The following PLA2G5 variants were observed in gnomAD, a reference collection of about 807,000 sequenced individuals.
PLA2G5 encodes the protein Ca2+-dependent phospholipase A2.
A neutral mutation model predicts 15.9 loss-of-function variants in PLA2G5; 12 were observed. The ratio of observed to expected loss-of-function variants is 0.76; its 90% confidence interval spans 0.48 to 1.23. PLA2G5 has a LOEUF of 1.23. Ranked by LOEUF, PLA2G5 falls within the 50% of genes most tolerant of loss-of-function variation. The pLI, the probability that PLA2G5 is intolerant of heterozygous loss-of-function variation, is 0.00. For synonymous variants in PLA2G5, 71 were observed against 71.4 expected (o/e 0.99, Z 0.03); for missense variants, 169 against 177.1 (o/e 0.95, Z 0.26).
rs149662527 is a variant in PLA2G5, at chr1:20,043,527, G to A, written n.276+14818G>A. On this transcript the variant is annotated intron_variant and non_coding_transcript_variant, in intron 1 of 6. Coordinates refer to the PLA2G5 transcript ENST00000460175. ...GGAGTAGAGGTGTCCCATATCTGTG[G>A]GTTAAGGTAGTGGGATATGAGAGGA... Among the ~76,000 whole-genome samples, 40 of 152,208 alleles carry A rather than the reference G, an allele frequency of 2.6e-4. No individual in the cohort carries two copies. In the East Asian group the frequency reaches 7.5e-3, roughly 29 times the overall value.
intron 1 of PLA2G5, among the ~76,000 whole-genome samples, chr1:20,072,068 G>T (rs11573202): frequency 1.4e-5 from 2 of 145,782 alleles, no homozygotes; most frequent in East Asian, 4.1e-4. Context: ...AGATCGCACC[G>T]CTGCGCTCCA....
chr1:20,061,254 CA>C (rs2014711788), intron 2 of PLA2G5, among the ~76,000 whole-genome samples: 1 of 152,124 alleles, frequency 6.6e-6, no homozygotes, highest in Admixed American at 6.5e-5. Context: ...CTCACATCCA[CA>C]CCACCCTGGC....
chr1:20,080,987 GGCTCC>G (rs1169565391), intron 1 of PLA2G5, among the ~76,000 whole-genome samples: 1 of 151,900 alleles, frequency 6.6e-6, no homozygotes, highest in Non-Finnish European at 1.5e-5. Flanking sequence ...CGTGCAATGA[GGCTCC>G]GCACTGTGCG....
chr1:20,071,650 C>T (rs112482708), intron 1 of PLA2G5, among the ~76,000 whole-genome samples: 6 of 152,100 alleles, frequency 3.9e-5, no homozygotes, highest in East Asian at 1.9e-4. Flanking sequence ...ACCCAGCTTC[C>T]GTGTTTCCCA....
At chr1:20,073,848 C>T (rs1037402690) in intron 1 of PLA2G5, among the ~76,000 whole-genome samples, 13 of 151,768 alleles carry the variant, frequency 8.6e-5, no homozygotes, top group South Asian at 6.2e-4. Context: ...CCAGCCTGGG[C>T]GACAGAGGGA....
At chr1:20,059,131 A>C (rs1198673549) in intron 1 of PLA2G5, among the ~76,000 whole-genome samples, 1 of 151,360 alleles carries the variant, frequency 6.6e-6, no homozygotes, top group African/African-American at 2.4e-5. Context: ...AAAAAAAAAA[A>C]AAAAAAAAAG....
Position 20,091,536 on chromosome 1 carries a change from T to G in PLA2G5, c.*844T>G, listed in dbSNP as rs1569853551. On this transcript the variant is annotated 3_prime_UTR_variant, in exon 5 of 5. Coordinates refer to ENST00000375108, the MANE Select transcript of PLA2G5 (RefSeq NM_000929.3). Reference sequence around the variant, plus strand: ...CAGTCTCTTTGAGAAATAAACTGTCTTGTTCCTTGCAATGTAAAATGAGAC... The same window carrying G: ...CAGTCTCTTTGAGAAATAAACTGTCGTGTTCCTTGCAATGTAAAATGAGAC... 6.6e-6 allele frequency among the ~76,000 whole-genome samples: 1 copy of G among 152,196 alleles called. No homozygotes were observed. Among genetic ancestry groups the G allele is most frequent in the African/African-American group, 2.4e-5 (1 of 41,444 alleles).
At chr1:20,067,702 AT>A (rs1210031621), upstream of PLA2G5, among the ~76,000 whole-genome samples, 5 of 150,530 alleles carry the variant, frequency 3.3e-5, no homozygotes, top group African/African-American at 1.2e-4. Flanking sequence ...AAAAAAAAAA[AT>A]TATAGTAATT....
intron 1 of PLA2G5, among the ~76,000 whole-genome samples, chr1:20,057,971 C>CT (rs770376202): frequency 5.3e-5 from 8 of 151,844 alleles, no homozygotes; most frequent in Non-Finnish European, 8.8e-5. Flanking sequence ...AGTTTAATTC[C>CT]ATTGTGGTCT....
intron 1 of PLA2G5, among the ~76,000 whole-genome samples, chr1:20,058,958 G>C (rs1569716091): frequency 6.6e-6 from 1 of 152,054 alleles, no homozygotes; most frequent in East Asian, 1.9e-4. Context: ...AGGATCACTT[G>C]AAGTCAGGAG....
intron 1 of PLA2G5, among the ~76,000 whole-genome samples, chr1:20,080,614 T>C (rs560780604): frequency 6.7e-6 from 1 of 149,288 alleles, no homozygotes; most frequent in Non-Finnish European, 1.5e-5. Flanking sequence ...TGCTTCTGAA[T>C]ACACAATGGA....
chr1:20,078,932 C>T (rs1436659157), intron 1 of PLA2G5, among the ~76,000 whole-genome samples: 1 of 136,096 alleles, frequency 7.3e-6, no homozygotes, highest in Non-Finnish European at 1.6e-5. Flanking sequence ...CATGGTGGGA[C>T]CCCGACTCTA....
chr1:20,044,371 G>GA (rs1553171699), intron 1 of PLA2G5, among the ~76,000 whole-genome samples: 1 of 151,828 alleles, frequency 6.6e-6, no homozygotes. Context: ...TCCTGTTGTG[G>GA]GGGGGGTTTG....
chr1:20,043,074 G>T (rs2013705138), intron 1 of PLA2G5, among the ~76,000 whole-genome samples: 1 of 152,160 alleles, frequency 6.6e-6, no homozygotes, highest in African/African-American at 2.4e-5. Flanking sequence ...GCCTAGGTAT[G>T]TTGTTGAGAC....
upstream of PLA2G5, among the ~76,000 whole-genome samples, chr1:20,068,663 CT>C (rs2015180237): frequency 6.6e-6 from 1 of 152,058 alleles, no homozygotes; most frequent in African/African-American, 2.4e-5. Flanking sequence ...GTTGGTCAGG[CT>C]GGTCTGGAAC....
At position 20,090,974 on chromosome 1, in the gene PLA2G5, CTCT is replaced by C. The variant is rs1224785549; in HGVS notation, c.*284_*286del. 1.5e-5 allele frequency: 5 copies of C among 330,062 alleles called. No homozygotes were observed. Among genetic ancestry groups the C allele is most frequent in the Non-Finnish European group, 2.8e-5 (5 of 179,050 alleles). The allele number at this position is 330,062 out of a possible 1,614,324, so 20.4% of individuals were successfully genotyped here. A position where few individuals can be genotyped will look rare whatever the true frequency, so the allele number is the denominator to read the frequency against. The stretch of plus-strand genomic sequence containing the variant: ...TCCTCCAACTCAGGGTTGGCTGTGT[CTCT>C]TTTCTTCTCTGAAGACAGCGTCCTG... On this transcript the variant is annotated 3_prime_UTR_variant, in exon 5 of 5. Coordinates refer to ENST00000375108, the MANE Select transcript of PLA2G5 (RefSeq NM_000929.3).
intron 1 of PLA2G5, among the ~76,000 whole-genome samples, chr1:20,056,720 C>T (rs2100438411): frequency 6.6e-6 from 1 of 152,258 alleles, no homozygotes; most frequent in Non-Finnish European, 1.5e-5. Context: ...TAGAATAATA[C>T]TGGCCTCCTA....
At chr1:20,042,213 A>T (rs2013638341) in intron 1 of PLA2G5, among the ~76,000 whole-genome samples, 1 of 152,144 alleles carries the variant, frequency 6.6e-6, no homozygotes, top group African/African-American at 2.4e-5. Context: ...TCAATGATAG[A>T]TGTGAAAGAT....
intron 1 of PLA2G5, among the ~76,000 whole-genome samples, chr1:20,056,846 A>C (rs563979881): frequency 9.9e-5 from 15 of 152,146 alleles, no homozygotes; most frequent in Non-Finnish European, 1.9e-4. Flanking sequence ...TCTGGGCCTA[A>C]TAGTTTCTAT....
Sources: gnomAD v4.1 joint callset for allele counts (sites outside exome capture counted in the v4.1 genomes callset) on GRCh38, gnomAD v4.1.1 for gene constraint, MANE v1.5 for transcripts, NCBI Gene and HGNC (gene_info 2026-07-23, HGNC 2026-07-21) for gene names.